Variants in SERAC1 observed in about 807,000 individuals in gnomAD.
SERAC1 encodes the protein protein SERAC1.
In SERAC1, 36 loss-of-function variants were observed where a neutral mutation model predicts 85.7. The ratio of observed to expected loss-of-function variants is 0.42; its 90% CI spans 0.32 to 0.55. The LOEUF (loss-of-function observed/expected upper bound fraction) is 0.55. Among genes scored for constraint, SERAC1 ranks in the 20% least tolerant of loss-of-function variants. SERAC1 has a pLI of 0.11. For missense variants in SERAC1, 629 were observed against 796.2 expected (o/e 0.79, Z 2.53); for synonymous variants, 242 against 265.3 (o/e 0.91, Z 0.85).
Position 158,113,494 on chromosome 6 carries a change from T to A in SERAC1, c.1783A>T (p.Ile595Phe). ...LNFVETLPTY[I>F]GSMIKLHVVP... ...ACATGGAGCTTAATCATGCTGCCAA[T>A]GTAGGTTGGTAGTGTTTCCACAAAA... Residue 595 changes from isoleucine to phenylalanine, a missense_variant, in exon 16 of 17, where the codon ATT becomes TTT. By Grantham distance (21) the Ile-to-Phe change is conservative. Coordinates refer to ENST00000647468, the MANE Select transcript of SERAC1 (RefSeq NM_032861.4). 1 of 1,613,986 alleles carries A rather than the reference T, an allele frequency of 6.2e-7. No individual in the cohort carries two copies. The highest frequency in any genetic ancestry group is 8.5e-7 in the Non-Finnish European group (1 of 1,179,920).
intron 5 of SERAC1, among the ~76,000 whole-genome samples, chr6:158,147,768 C>CAAAAAAAAAAAAAAAAA (rs71027383): frequency 1.5e-5 from 1 of 68,934 alleles, no homozygotes; most frequent in Non-Finnish European, 2.5e-5. Flanking sequence ...GGCTCTGTCT[C>CAAAAAAAAAAAAAAAAA]AAAAAAAAAA....
intron 1 of SERAC1, among the ~76,000 whole-genome samples, chr6:158,160,127 T>C (rs1291768717): frequency 6.6e-6 from 1 of 152,186 alleles, no homozygotes; most frequent in Non-Finnish European, 1.5e-5. Context: ...CCTTCCTAAT[T>C]TTGTCTGCAT....
At chr6:158,158,935 C>T (rs2128425016) in intron 1 of SERAC1, 1 of 152,336 alleles carries the variant, frequency 6.6e-6, no homozygotes, top group Non-Finnish European at 1.5e-5. Flanking sequence ...CTGTCATCCA[C>T]CTAATTCATC....
chr6:158,126,909 C>T (rs371762192), intron 10 of SERAC1, among the ~76,000 whole-genome samples: 2 of 152,096 alleles, frequency 1.3e-5, no homozygotes, highest in East Asian at 3.9e-4. Context: ...TCAAATTAGC[C>T]ATGCACAATG....
chr6:158,119,293 A>C lies in SERAC1; in HGVS notation c.1167-123T>G. On this transcript the variant is annotated intron_variant, in intron 11 of 16. Transcript: ENST00000647468. This position sits in a 1 kb window ranked among gnomAD's most constrained non-coding sequence, Gnocchi z 4.5. ...CTTATGTGACATAAAACTGAATTAA[A>C]GCAAGCTCTATAAGCACAGGTTTGC... 8.4e-7 allele frequency: 1 copy of C among 1,184,824 alleles called. No homozygotes were observed. Among genetic ancestry groups the C allele is most frequent in the Non-Finnish European group, 1.1e-6 (1 of 871,168 alleles). The allele number at this position is 1,184,824 out of a possible 1,614,324, so 73.4% of individuals were successfully genotyped here.
intron 1 of SERAC1, among the ~76,000 whole-genome samples, chr6:158,164,757 G>C (rs757504842): frequency 6.6e-6 from 1 of 152,044 alleles, no homozygotes; most frequent in Non-Finnish European, 1.5e-5. Flanking sequence ...GTTGTAGCTA[G>C]GTACACAGAC....
chr6:158,161,026 G>C (rs1323436579), intron 1 of SERAC1: 1 of 152,080 alleles, frequency 6.6e-6, no homozygotes, highest in Non-Finnish European at 1.5e-5. Flanking sequence ...CATATATGTA[G>C]TTAGCACTCT....
rs762778678 is a variant in SERAC1 at position 158,128,159 on chromosome 6, T to C, written c.964A>G (p.Ile322Val). Residue 322 changes from isoleucine (I) to valine (V), a missense_variant, in exon 10 of 17, where the codon ATT becomes GTT. Physicochemically the swap from Ile to Val is conservative, Grantham distance 29 (BLOSUM62 3). Coordinates refer to ENST00000647468, the MANE Select transcript of SERAC1 (RefSeq NM_032861.4). ...TGTTCATTCAAAGCCATATTTCCAA[T>C]GACACGCATTATATTTCTCTGTACT... Reference protein sequence around the residue: ...PKVQRNIMRVIGNMALNEHLH... With the variant: ...PKVQRNIMRVVGNMALNEHLH... 3 of 1,614,148 alleles carry C rather than the reference T, an allele frequency of 1.9e-6. No individual in the cohort carries two copies. The highest frequency in any genetic ancestry group is 2.5e-6 in the Non-Finnish European group (3 of 1,180,008).
rs1407108683 is a variant in SERAC1 at position 158,148,949 on chromosome 6, C to G, written c.271G>C (p.Ala91Pro). The G allele has an allele frequency of 1.9e-6, 3 of 1,604,260 alleles. No homozygotes were observed. The highest frequency in any genetic ancestry group is 1.7e-5 in the Admixed American group (1 of 58,758). The change falls in exon 5 of 17, where the codon GCC becomes CCC. Residue 91 changes from alanine to proline, a missense_variant. Physicochemically the swap from Ala to Pro is conservative, Grantham distance 27 (BLOSUM62 -1). Coordinates refer to ENST00000647468, the MANE Select transcript of SERAC1 (RefSeq NM_032861.4). ...SLDKGENHGI[A>P]WQARKELHKA... ...TGAAGTTCTTTTCTTGCCTGCCAGG[C>G]AATACCTAAAATGATTATAAAATTA...
rs1282957891 is a variant in SERAC1 at position 158,119,525 on chromosome 6, TAAAG to T, written c.1167-359_1167-356del. ...AAATCAATAAAAGTATTTAAGAAAT[TAAAG>T]AAGAACGTGCTAATAACAGTTTCAA... On this transcript the variant is annotated intron_variant, in intron 11 of 16. Transcript: ENST00000647468. This position sits in a 1 kb window ranked among gnomAD's most constrained non-coding sequence, Gnocchi z 4.5. Among the ~76,000 whole-genome samples, 1 of 152,182 alleles carries T rather than the reference TAAAG, an allele frequency of 6.6e-6. No homozygotes were observed. Among genetic ancestry groups the T allele is most frequent in the Non-Finnish European group, 1.5e-5 (1 of 68,024 alleles).
intron 9 of SERAC1, 138 bp from the exon 10 acceptor site, chr6:158,128,408 C>G (rs1784596971): frequency 4.3e-6 from 3 of 704,970 alleles, no homozygotes; most frequent in Non-Finnish European, 4.6e-6. Context: ...AAGCTCTTGT[C>G]TCAGCTTGCT....
chr6:158,117,478 C>CTATT lies in SERAC1; in HGVS notation c.1403+245_1403+248dup, dbSNP rs1484876974. Reference sequence around the variant, plus strand: ...CTGCTAGACAATCCACGATCCTTCACTATTAGAACAGTTGTAAATAAACCA... The same window carrying CTATT: ...CTGCTAGACAATCCACGATCCTTCACTATTTATTAGAACAGTTGTAAATAAACCA... On this transcript the variant is annotated intron_variant, in intron 13 of 16. Transcript: ENST00000647468. The surrounding 1 kb of genome is among the most constrained non-coding windows in gnomAD (Gnocchi z 4.3). 1.9e-6 allele frequency: 3 copies of CTATT among 1,541,860 alleles called. No homozygotes were observed. Among genetic ancestry groups the CTATT allele is most frequent in the Non-Finnish European group, 1.8e-6 (2 of 1,141,452 alleles).
intron 1 of SERAC1, chr6:158,161,957 A>T (rs1277011609): frequency 1.3e-5 from 2 of 152,190 alleles, no homozygotes; most frequent in Non-Finnish European, 2.9e-5. Context: ...AAAAACGTTC[A>T]TTCCTTCCCA....
intron 3 of SERAC1, among the ~76,000 whole-genome samples, chr6:158,154,486 T>C (rs896875246): frequency 1.3e-5 from 2 of 152,188 alleles, no homozygotes; most frequent in African/African-American, 4.8e-5. Flanking sequence ...ATATATCTCT[T>C]TTATCATTTC....
At chr6:158,124,518 G>A (rs1050333733) in intron 10 of SERAC1, among the ~76,000 whole-genome samples, 1 of 152,066 alleles carries the variant, frequency 6.6e-6, no homozygotes, top group South Asian at 2.1e-4. Flanking sequence ...CACAAAAAAT[G>A]ATATGTATAA....
chr6:158,144,157 G>A, intron 7 of SERAC1, 142 bp downstream of exon 7: 1 of 639,254 alleles, frequency 1.6e-6, no homozygotes, highest in Non-Finnish European at 2.6e-6. Flanking sequence ...TAAAAACTAT[G>A]ATTTCAGTTT....
At position 158,120,439 on chromosome 6, in the gene SERAC1, G is replaced by C. The variant is rs201331072; in HGVS notation, c.1152C>G (p.Pro384=). 5.8e-5 allele frequency: 94 copies of C among 1,610,996 alleles called. No homozygotes were observed. The East Asian group carries it at 1.9e-3, about 32-fold the overall frequency. Residue 384 remains proline (P), a synonymous_variant, in exon 11 of 17, where the codon CCC becomes CCG. Transcript: ENST00000647468. This position sits in a 1 kb window ranked among gnomAD's most constrained non-coding sequence, Gnocchi z 4.4. ...TGCTTCCTTACCTTGTTCGATATTG[G>C]GGATGCAGCACATATACGCCATCCT... The part of the protein sequence containing the change: ...KYQDGVYVLH[P]QYRTSQPIKA...
chr6:158,136,308 A>T (rs1784792327), intron 8 of SERAC1, among the ~76,000 whole-genome samples: 1 of 152,150 alleles, frequency 6.6e-6, no homozygotes, highest in Non-Finnish European at 1.5e-5. Flanking sequence ...TTTCAATATA[A>T]TTTGTTTCCT....
At chr6:158,132,780 A>G (rs1008703869) in intron 8 of SERAC1, among the ~76,000 whole-genome samples, 1 of 152,198 alleles carries the variant, frequency 6.6e-6, no homozygotes, top group African/African-American at 2.4e-5. Context: ...ATACAAAGGA[A>G]CAAACTCACA....
Sources: gnomAD v4.1 joint callset for allele counts (sites outside exome capture counted in the v4.1 genomes callset) on GRCh38, gnomAD v4.1.1 for gene constraint, Gnocchi (gnomAD v3.1) non-coding constraint, MANE v1.5 for transcripts, NCBI Gene and HGNC (gene_info 2026-07-23, HGNC 2026-07-21) for gene names.